RBPMS: variants seen among roughly 807,000 people sequenced by gnomAD.
RBPMS encodes RNA binding protein, mRNA processing factor, also known as RNA-binding protein with multiple splicing.
A neutral mutation model predicts 26.8 loss-of-function variants in RBPMS; 7 were observed. That is an observed-to-expected ratio of 0.26 (90% CI 0.15 to 0.49). The LOEUF is 0.49. RBPMS is among the 20% of genes least tolerant of loss of function. RBPMS has a pLI of 0.98. For missense variants in RBPMS, 186 were observed against 250.0 expected (o/e 0.74, Z 1.73); for synonymous variants, 96 against 93.3 (o/e 1.03, Z -0.17).
At chr8:30,548,987 G>GT (rs1826077664) in intron 6 of RBPMS, among the ~76,000 whole-genome samples, 1 of 152,254 alleles carries the variant, frequency 6.6e-6, no homozygotes, top group African/African-American at 2.4e-5. Context: ...ATGGACCTCA[G>GT]TGCGCACACA....
rs1820879075 is a variant in RBPMS, at chr8:30,504,421, A to G, written c.382A>G (p.Ile128Val). ...TPLPNTVPQF[I>V]AREPYELTVP... ...TCTGCCCAACACTGTACCTCAGTTC[A>G]TTGCCAGAGAGCCATGTAAGTCGAT... The change falls in exon 5 of 9, where the codon ATT (isoleucine) becomes GTT (valine). Residue 128 changes from isoleucine to valine, a missense_variant. Physicochemically the swap from Ile to Val is conservative, Grantham distance 29. Coordinates refer to ENST00000397323, the MANE Select transcript of RBPMS (RefSeq NM_001008710.3). 1.2e-6 allele frequency: 2 copies of G among 1,613,998 alleles called. No individual in the cohort carries two copies. Among genetic ancestry groups the G allele is most frequent in the Non-Finnish European group, 1.7e-6 (2 of 1,179,956 alleles).
intron 5 of RBPMS, among the ~76,000 whole-genome samples, chr8:30,536,170 C>T (rs1227249540): frequency 4.0e-5 from 6 of 151,042 alleles, no homozygotes; most frequent in Non-Finnish European, 8.8e-5. Flanking sequence ...TCTTGTTGCC[C>T]AGGCTGGAGT....
At chr8:30,420,400 T>TA (rs1196219764) in intron 1 of RBPMS, among the ~76,000 whole-genome samples, 1 of 152,210 alleles carries the variant, frequency 6.6e-6, no homozygotes, top group African/African-American at 2.4e-5. Context: ...CAGCTGGACT[T>TA]ATAAACATAC....
intron 8 of RBPMS, among the ~76,000 whole-genome samples, chr8:30,568,134 T>G (rs1324552165): frequency 6.6e-6 from 1 of 152,198 alleles, no homozygotes; most frequent in African/African-American, 2.4e-5. Flanking sequence ...TACCTGATTT[T>G]TTGAAGATGA....
rs1410912864 is a variant in RBPMS at position 30,479,290 on chromosome 8, T to C, written c.184-25T>C. ...GTAGACATCATCTGATTTTTTTTCT[T>C]CATATTTCTCTTTTTTTTTCTCAGC... On this transcript the variant is annotated intron_variant, in intron 3 of 8. Transcript: ENST00000397323. 3 of 1,592,900 alleles carry C rather than the reference T, an allele frequency of 1.9e-6. No homozygotes were observed. The South Asian group carries it at 3.3e-5, about 18-fold the overall frequency.
At chr8:30,556,357 C>A in intron 6 of RBPMS, 9 of 985,666 alleles carry the variant, frequency 9.1e-6, no homozygotes, top group Non-Finnish European at 9.6e-6. Context: ...CGCTCGTCCC[C>A]AACCCTGCAG....
chr8:30,486,272 G>A lies in RBPMS; in HGVS notation c.246+6895G>A, dbSNP rs113938345. Among the ~76,000 whole-genome samples, 1,098 of 152,022 alleles carry A rather than the reference G, an allele frequency of 7.2e-3. 9 individuals carry two copies. The highest frequency in any genetic ancestry group is 0.025 in the African/African-American group (1,017 of 41,452). On this transcript the variant is annotated intron_variant, in intron 4 of 8. Transcript: ENST00000397323. ...CGAGAATCACTTGAACCTAGGAGGC[G>A]GAGGTTGCAGTGAGCCAAGATCGCA... is the stretch of plus-strand genomic sequence containing the variant.
At chr8:30,568,691 AC>A in intron 8 of RBPMS, among the ~76,000 whole-genome samples, 1 of 152,030 alleles carries the variant, frequency 6.6e-6, no homozygotes, top group Admixed American at 6.5e-5. Flanking sequence ...CCCAACCCTG[AC>A]CCCGCCATCC....
At chr8:30,431,582 C>T (rs1239664306) in intron 1 of RBPMS, among the ~76,000 whole-genome samples, 1 of 151,788 alleles carries the variant, frequency 6.6e-6, no homozygotes, top group Non-Finnish European at 1.5e-5. Flanking sequence ...TCTAGAGTAG[C>T]TGGGGCTACA....
Position 30,570,699 on chromosome 8 carries a change from T to C in RBPMS, c.*174T>C, listed in dbSNP as rs1828214103. On this transcript the variant is annotated 3_prime_UTR_variant, in exon 9 of 9. Transcript: ENST00000397323. ...ACTTTGTCACAGCCTCTATCACACA[T>C]CTGTTTTTCTCGAAGAAAAAAATAT... 1 of 152,654 alleles carries C rather than the reference T, an allele frequency of 6.6e-6. No individual in the cohort carries two copies. Among genetic ancestry groups the C allele is most frequent in the Non-Finnish European group, 1.5e-5 (1 of 68,048 alleles). 9.5% of individuals were successfully genotyped at this position (152,654 alleles called of 1,614,324 possible).
intron 1 of RBPMS, among the ~76,000 whole-genome samples, chr8:30,470,140 T>C (rs1816927109): frequency 6.6e-6 from 1 of 151,996 alleles, no homozygotes; most frequent in Non-Finnish European, 1.5e-5. Context: ...TCCCAGCACT[T>C]TGGGAGGCCA....
intron 5 of RBPMS, 99 bp downstream of exon 5, chr8:30,504,535 T>A: frequency 8.2e-7 from 1 of 1,216,986 alleles, no homozygotes; most frequent in Non-Finnish European, 1.1e-6. Flanking sequence ...TGGCTGAGTC[T>A]TATTTTCCAT....
At chr8:30,480,302 T>A (rs890000759) in intron 4 of RBPMS, among the ~76,000 whole-genome samples, 7 of 152,210 alleles carry the variant, frequency 4.6e-5, no homozygotes, top group African/African-American at 1.7e-4. Context: ...TTTGTGTTGC[T>A]GTGGTACCTG....
chr8:30,532,487 TGTTA>T (rs1353790652), intron 5 of RBPMS, among the ~76,000 whole-genome samples: 16 of 152,134 alleles, frequency 1.1e-4, no homozygotes, highest in African/African-American at 3.1e-4. Flanking sequence ...ATGAACTAGG[TGTTA>T]GTTTTTATTT....
chr8:30,534,269 A>C (rs1824572489), intron 5 of RBPMS, among the ~76,000 whole-genome samples: 1 of 152,200 alleles, frequency 6.6e-6, no homozygotes, highest in Non-Finnish European at 1.5e-5. Context: ...AAGCTGTATG[A>C]CCTTGGACAA....
chr8:30,540,721 ACGC>A (rs1402474623), intron 5 of RBPMS, among the ~76,000 whole-genome samples: 1 of 152,232 alleles, frequency 6.6e-6, no homozygotes, highest in African/African-American at 2.4e-5. Context: ...GAGCCACTGC[ACGC>A]AGCCAAACTG....
chr8:30,410,401 G>C (rs1267477785), intron 1 of RBPMS, among the ~76,000 whole-genome samples: 1 of 151,748 alleles, frequency 6.6e-6, no homozygotes, highest in Non-Finnish European at 1.5e-5. Context: ...GTAGAGATGG[G>C]GTTTCACCAT....
At chr8:30,509,784 A>G (rs370045388) in intron 5 of RBPMS, among the ~76,000 whole-genome samples, 2 of 152,184 alleles carry the variant, frequency 1.3e-5, no homozygotes, top group African/African-American at 4.8e-5. Flanking sequence ...GGAATGACTA[A>G]AAGTTGCAGG....
chr8:30,496,411 G>A (rs1321437427), intron 4 of RBPMS, among the ~76,000 whole-genome samples: 2 of 151,998 alleles, frequency 1.3e-5, no homozygotes, highest in Admixed American at 6.6e-5. Context: ...CTCGTGATCT[G>A]CCCTCCTTGG....
Sources: gnomAD v4.1 joint callset for allele counts (sites outside exome capture counted in the v4.1 genomes callset) on GRCh38, gnomAD v4.1.1 for gene constraint, MANE v1.5 for transcripts, NCBI Gene and HGNC (gene_info 2026-07-23, HGNC 2026-07-21) for gene names.